RNF114: variants seen among roughly 807,000 people sequenced by gnomAD.
RNF114 encodes E3 ubiquitin-protein ligase RNF114.
Under a neutral mutation model 28.4 loss-of-function variants are expected in RNF114, and 6 were observed. The observed-to-expected ratio is 0.21, with a 90% CI of 0.12 to 0.42. The LOEUF is 0.42. RNF114 is among the 10% of genes least tolerant of loss of function. The pLI, the probability that RNF114 is intolerant of heterozygous loss-of-function variation, is 1.00. For synonymous variants in RNF114, 115 were observed against 116.7 expected (o/e 0.99, Z 0.09); for missense variants, 249 against 311.7 (o/e 0.80, Z 1.51).
At chr20:49,950,007 T>A (rs900847328) in intron 5 of RNF114, among the ~76,000 whole-genome samples, 2 of 148,334 alleles carry the variant, frequency 1.3e-5, no homozygotes, top group African/African-American at 2.5e-5. Context: ...ATCCCAGCAC[T>A]TTGGGAGGCC....
In RNF114 at chr20:49,936,974, T is replaced by C. The variant is rs2235618; in HGVS notation, c.140+422T>C. Among the ~76,000 whole-genome samples, 3,510 of 152,118 alleles carry C rather than the reference T, an allele frequency of 0.023. 381 individuals carry two copies. The East Asian group carries it at 0.35, about 15-fold the overall frequency. ...GTCTAGCTGTGGCGAGTTATTCTAC[T>C]GTGCACTAAAGTCGGGAGAAACGCT... On this transcript the variant is annotated intron_variant, in intron 1 of 5. Coordinates refer to ENST00000244061, the MANE Select transcript of RNF114 (RefSeq NM_018683.4).
At chr20:49,952,006 G>C in intron 5 of RNF114, 70 bp from the exon 6 acceptor site, 2 of 1,355,676 alleles carry the variant, frequency 1.5e-6, no homozygotes, top group South Asian at 2.3e-5. Flanking sequence ...AGGCTGTCCT[G>C]CTTCTACTGA....
chr20:49,945,173 C>T, intron 2 of RNF114: 1 of 486,152 alleles, frequency 2.1e-6, no homozygotes. Flanking sequence ...AGTGGATATC[C>T]TGATTTAGTC....
chr20:49,941,806 C>A, intron 2 of RNF114, 95 bp downstream of exon 2: 2 of 1,365,980 alleles, frequency 1.5e-6, no homozygotes, highest in Non-Finnish European at 2.0e-6. Context: ...TAGAGCATGA[C>A]TAGGTCACTA....
chr20:49,949,381 C>A, intron 5 of RNF114, 26 bp downstream of exon 5: 2 of 1,584,434 alleles, frequency 1.3e-6, no homozygotes, highest in Non-Finnish European at 1.7e-6. Context: ...GGGCTCTGAT[C>A]CCTCCCCTGG....
intron 3 of RNF114, among the ~76,000 whole-genome samples, chr20:49,945,720 C>T (rs879317109): frequency 1.2e-4 from 19 of 152,130 alleles, no homozygotes; most frequent in Admixed American, 6.5e-4. Flanking sequence ...GGCTGGTGTG[C>T]AGTGGTGCAA....
chr20:49,939,962 G>A (rs774522387), intron 1 of RNF114, among the ~76,000 whole-genome samples: 2 of 148,900 alleles, frequency 1.3e-5, no homozygotes, highest in Non-Finnish European at 3.0e-5. Flanking sequence ...TCTGAAGCAG[G>A]AGAATCGCTT....
intron 4 of RNF114, among the ~76,000 whole-genome samples, chr20:49,947,008 T>G (rs891177536): frequency 6.6e-6 from 1 of 151,722 alleles, no homozygotes; most frequent in African/African-American, 2.4e-5. Flanking sequence ...TCAGTTGAGG[T>G]CAGGAGTTCA....
At chr20:49,938,319 G>C (rs954626601) in intron 1 of RNF114, among the ~76,000 whole-genome samples, 3 of 152,136 alleles carry the variant, frequency 2.0e-5, no homozygotes, top group African/African-American at 7.2e-5. Context: ...TCAAACCTTG[G>C]CTCTTCTCTA....
At chr20:49,952,035 A>G (rs2146861355) in intron 5 of RNF114, 41 bp from the exon 6 acceptor site, 1 of 1,485,196 alleles carries the variant, frequency 6.7e-7, no homozygotes, top group African/African-American at 1.4e-5. Context: ...CTTTGCATCT[A>G]GAAACAGTTG....
chr20:49,938,824 C>T (rs138267590), intron 1 of RNF114, among the ~76,000 whole-genome samples: 166 of 152,320 alleles, frequency 1.1e-3, no homozygotes, highest in African/African-American at 3.7e-3. Flanking sequence ...GAAGAGACTT[C>T]GAGCTGCTTT....
chr20:49,941,367 T>C, intron 1 of RNF114, 194 bp from the exon 2 acceptor site: 2 of 530,534 alleles, frequency 3.8e-6, no homozygotes, highest in Non-Finnish European at 6.5e-6. Flanking sequence ...TTTGTTTCTG[T>C]AGTTGTGTGT....
rs1430209850 is a variant in RNF114 at position 49,943,737 on chromosome 20, C to T, written c.292-1645C>T. Among the ~76,000 whole-genome samples, 6 of 134,326 alleles carry T rather than the reference C, an allele frequency of 4.5e-5. No individual in the cohort carries two copies. In the Admixed American group the frequency reaches 5.1e-4, roughly 11 times the overall value. The allele number at this position is 134,326 out of a possible 152,430, so 88.1% of individuals were successfully genotyped here. On this transcript the variant is annotated intron_variant, in intron 2 of 5. Coordinates refer to ENST00000244061, the MANE Select transcript of RNF114 (RefSeq NM_018683.4). Reference sequence around the variant, plus strand: ...ACAGTGGCGTGATCTCAGCTCACTGCAGGCTCCGCCTGTTGGGTTCACGCC... The same window carrying T: ...ACAGTGGCGTGATCTCAGCTCACTGTAGGCTCCGCCTGTTGGGTTCACGCC...
chr20:49,944,440 A>G (rs1194376484), intron 2 of RNF114: 6 of 152,198 alleles, frequency 3.9e-5, no homozygotes, highest in African/African-American at 1.4e-4. Flanking sequence ...TACTGTTGGC[A>G]TGCCTCAGAA....
intron 2 of RNF114, among the ~76,000 whole-genome samples, chr20:49,943,744 C>T (rs1428657542): frequency 3.5e-5 from 5 of 143,126 alleles, no homozygotes; most frequent in Non-Finnish European, 4.5e-5. Context: ...CTGCAGGCTC[C>T]GCCTGTTGGG....
intron 2 of RNF114, among the ~76,000 whole-genome samples, chr20:49,942,458 A>T (rs969041208): frequency 4.6e-5 from 7 of 152,242 alleles, no homozygotes; most frequent in African/African-American, 1.2e-4. Context: ...TAAAATTTTT[A>T]AAATTGCAGA....
chr20:49,948,137 T>A (rs1367181244), intron 4 of RNF114, among the ~76,000 whole-genome samples: 1 of 151,978 alleles, frequency 6.6e-6, no homozygotes, highest in East Asian at 1.9e-4. Context: ...TTAGAAGCCA[T>A]CTCCTTTTCA....
chr20:49,951,982 C>CGGATCCAGTTGCTAGGCTGTCCTGCTTA, intron 5 of RNF114, 94 bp from the exon 6 acceptor site: 1 of 1,054,312 alleles, frequency 9.5e-7, no homozygotes, highest in Non-Finnish European at 1.5e-6. Flanking sequence ...CAACCTGCTC[C>CGGATCCAGTTGCTAGGCTGTCCTGCTTA]GGATCCAGTT....
Position 49,947,234 on chromosome 20 carries a change from C to G in RNF114, c.513+984C>G, listed in dbSNP as rs1158755937. 5.1e-4 allele frequency among the ~76,000 whole-genome samples: 12 copies of G among 23,338 alleles called. 2 individuals are homozygous for G. Among genetic ancestry groups the G allele is most frequent in the Non-Finnish European group, 7.2e-4 (8 of 11,150 alleles). The allele number at this position is 23,338 out of a possible 152,430, so 15.3% of individuals were successfully genotyped here. ...AACTGCCCCCCCCCCCCCCCCCCCC[C>G]CCAAAAAAGTATTTGTTCCATCTTA... On this transcript the variant is annotated intron_variant, in intron 4 of 5. Coordinates refer to ENST00000244061, the MANE Select transcript of RNF114 (RefSeq NM_018683.4).
Sources: allele counts gnomAD v4.1 joint callset (sites outside exome capture counted in the v4.1 genomes callset), GRCh38; gene constraint gnomAD v4.1.1; transcripts MANE v1.5; gene names NCBI Gene and HGNC (gene_info 2026-07-23, HGNC 2026-07-21).